The following PLXDC2 variants were observed in gnomAD, a reference collection of about 807,000 sequenced individuals.
The protein encoded by PLXDC2 is plexin domain-containing protein 2.
Under a neutral mutation model 68.9 loss-of-function variants are expected in PLXDC2, and 40 were observed. The ratio of observed to expected loss-of-function variants is 0.58; its 90% confidence interval spans 0.45 to 0.76. The LOEUF is 0.76. PLXDC2 is among the 30% of genes least tolerant of loss of function. The pLI is 0.00. For synonymous variants in PLXDC2, 243 were observed against 234.2 expected, an observed-to-expected ratio of 1.04 and a Z score of -0.34; for missense variants, 644 against 661.9, an observed-to-expected ratio of 0.97 and a Z score of 0.30.
chr10:19,864,921 T>C (rs527692095), intron 1 of PLXDC2, among the ~76,000 whole-genome samples: 5 of 151,928 alleles, frequency 3.3e-5, no homozygotes, highest in Admixed American at 6.6e-5. Context: ...TAAGTGAGAG[T>C]TGGAAAAGCC....
intron 1 of PLXDC2, among the ~76,000 whole-genome samples, chr10:19,826,957 C>T (rs1052366421): frequency 2.0e-5 from 3 of 152,164 alleles, no homozygotes; most frequent in Non-Finnish European, 2.9e-5. Flanking sequence ...TTAGCAACTG[C>T]ATCTACTTGT....
At chr10:20,265,530 A>T (rs1387385553) in intron 13 of PLXDC2, among the ~76,000 whole-genome samples, 1 of 152,226 alleles carries the variant, frequency 6.6e-6, no homozygotes, top group East Asian at 1.9e-4. Flanking sequence ...ACACATATAC[A>T]TGCACATTCT....
intron 12 of PLXDC2, among the ~76,000 whole-genome samples, chr10:20,233,182 T>TG (rs1047151047): frequency 1.3e-5 from 2 of 152,042 alleles, no homozygotes; most frequent in African/African-American, 4.8e-5. Context: ...CTTAAAGTGT[T>TG]GGGGGATGGG....
At chr10:20,072,413 G>GAAAGAGAGAAA (rs1217270302) in intron 4 of PLXDC2, among the ~76,000 whole-genome samples, 1 of 75,196 alleles carries the variant, frequency 1.3e-5, no homozygotes, top group African/African-American at 1.1e-4. Context: ...GAAAGAAAGA[G>GAAAGAGAGAAA]GAAAGAAAGA....
chr10:19,852,519 T>A (rs16919418), intron 1 of PLXDC2, among the ~76,000 whole-genome samples: 6,645 of 146,628 alleles, frequency 0.045, 501 homozygotes, highest in African/African-American at 0.16. Flanking sequence ...CTAAGTTCAG[T>A]GGAAAAGATT....
At chr10:20,269,876 G>A (rs1330998471) in intron 13 of PLXDC2, among the ~76,000 whole-genome samples, 1 of 152,012 alleles carries the variant, frequency 6.6e-6, no homozygotes, top group Admixed American at 6.6e-5. Flanking sequence ...TAATTAGCCA[G>A]GCATGGTTGT....
chr10:19,956,292 T>C (rs1834068228), intron 1 of PLXDC2, among the ~76,000 whole-genome samples: 1 of 152,202 alleles, frequency 6.6e-6, no homozygotes, highest in South Asian at 2.1e-4. Context: ...GTCTCAGCAC[T>C]TGAATAAATT....
intron 1 of PLXDC2, among the ~76,000 whole-genome samples, chr10:19,966,709 A>G (rs1186102907): frequency 2.6e-5 from 4 of 152,122 alleles, no homozygotes; most frequent in African/African-American, 7.2e-5. Context: ...ATTAAGCAAG[A>G]CTGTAGTCCC....
intron 2 of PLXDC2, among the ~76,000 whole-genome samples, chr10:20,043,770 C>CT (rs1286364549): frequency 6.6e-6 from 1 of 151,928 alleles, no homozygotes; most frequent in African/African-American, 2.4e-5. Context: ...TCCAAACCAC[C>CT]TTTTATACCA....
chr10:19,916,621 T>TTTA (rs964226210), intron 1 of PLXDC2, among the ~76,000 whole-genome samples: 1 of 152,068 alleles, frequency 6.6e-6, no homozygotes, highest in Non-Finnish European at 1.5e-5. Context: ...GAAATGATTA[T>TTTA]TTATTATTAT....
Position 20,280,890 on chromosome 10 carries a change from G to A in PLXDC2, c.*1071G>A, listed in dbSNP as rs1045683281. ...GAATCATACAGTAATTTTCTTTAAA[G>A]CACATAGTAGTTACATAAATATATA... is the stretch of plus-strand genomic sequence containing the variant. On this transcript the variant is annotated 3_prime_UTR_variant, in exon 14 of 14. Transcript: ENST00000377252. 1 of 151,752 alleles carries A rather than the reference G, an allele frequency of 6.6e-6. No individual in the cohort carries two copies. Among genetic ancestry groups the A allele is most frequent in the African/African-American group, 2.4e-5 (1 of 41,344 alleles). The allele number at this position is 151,752 out of a possible 1,614,324, so 9.4% of individuals were successfully genotyped here.
intron 4 of PLXDC2, among the ~76,000 whole-genome samples, chr10:20,079,501 C>T (rs1564307456): frequency 6.6e-6 from 1 of 152,150 alleles, no homozygotes; most frequent in Non-Finnish European, 1.5e-5. Flanking sequence ...TATTGCTGCA[C>T]TATTTACAAT....
At chr10:20,096,683 C>T (rs1833353709) in intron 4 of PLXDC2, among the ~76,000 whole-genome samples, 1 of 152,000 alleles carries the variant, frequency 6.6e-6, no homozygotes, top group East Asian at 1.9e-4. Flanking sequence ...GGACCTCAAG[C>T]TTATATTCTA....
At chr10:19,900,981 ATGTGTGTGTGTGTG>A (rs71388879) in intron 1 of PLXDC2, among the ~76,000 whole-genome samples, 4 of 144,476 alleles carry the variant, frequency 2.8e-5, no homozygotes, top group African/African-American at 7.6e-5. Flanking sequence ...TATATGTGTG[ATGTGTGTGTGTGTG>A]TGTGTGTGTG....
chr10:20,167,534 A>C (rs1054944075), intron 7 of PLXDC2, among the ~76,000 whole-genome samples: 9 of 152,154 alleles, frequency 5.9e-5, no homozygotes, highest in African/African-American at 2.2e-4. Flanking sequence ...TTTGTAGGGA[A>C]TTTAAATACT....
intron 4 of PLXDC2, among the ~76,000 whole-genome samples, chr10:20,072,483 A>AAGAAAGAAAG (rs1377626894): frequency 3.3e-5 from 4 of 120,192 alleles, no homozygotes; most frequent in Non-Finnish European, 6.5e-5. Flanking sequence ...AGAAGGAACA[A>AAGAAAGAAAG]AGAAAGAAAG....
At position 20,002,003 on chromosome 10, in the gene PLXDC2, G is replaced by T. The variant is rs201195054; in HGVS notation, c.324+17G>T. On this transcript the variant is annotated intron_variant, in intron 2 of 13. Coordinates refer to ENST00000377252, the MANE Select transcript of PLXDC2 (RefSeq NM_032812.9). ...CAGATCGAGGTAGATAAATAGTCTGGGTAATTGAAATGGATTAATGAATTT... is the reference window on the plus strand; with the variant it reads ...CAGATCGAGGTAGATAAATAGTCTGTGTAATTGAAATGGATTAATGAATTT... The T allele has an allele frequency of 6.2e-7, 1 of 1,604,676 alleles. No individual in the cohort carries two copies. The highest frequency in any genetic ancestry group is 1.1e-5 in the South Asian group (1 of 89,874).
chr10:19,995,855 G>A (rs1159800456), intron 1 of PLXDC2, among the ~76,000 whole-genome samples: 1 of 152,208 alleles, frequency 6.6e-6, no homozygotes, highest in Admixed American at 6.5e-5. Flanking sequence ...GCTGAATCTT[G>A]AAGGAGTTAT....
Position 20,153,875 on chromosome 10 carries a change from A to G in PLXDC2, c.783+5973A>G, listed in dbSNP as rs537069912. 6.6e-5 allele frequency among the ~76,000 whole-genome samples: 10 copies of G among 152,296 alleles called. No homozygotes were observed. The South Asian group carries it at 1.9e-3, about 28-fold the overall frequency. On this transcript the variant is annotated intron_variant, in intron 6 of 13. Transcript: ENST00000377252. ...TTCTTTTCAATAAGTGACTGAATCAATTCATTCATTCTGATATCCTTGACA... is the reference window on the plus strand; with the variant it reads ...TTCTTTTCAATAAGTGACTGAATCAGTTCATTCATTCTGATATCCTTGACA...
Sources: gnomAD v4.1 joint callset for allele counts (sites outside exome capture counted in the v4.1 genomes callset) on GRCh38, gnomAD v4.1.1 for gene constraint, MANE v1.5 for transcripts, NCBI Gene and HGNC (gene_info 2026-07-23, HGNC 2026-07-21) for gene names.